The following PIP4K2A variants were observed in gnomAD, a reference collection of about 807,000 sequenced individuals.
PIP4K2A encodes phosphatidylinositol 5-phosphate 4-kinase type-2 alpha.
Under a neutral mutation model 42.9 loss-of-function variants are expected in PIP4K2A, and 14 were observed. The observed-to-expected ratio is 0.33, with a 90% CI of 0.22 to 0.51. The LOEUF (loss-of-function observed/expected upper bound fraction) is 0.51, where lower values mean the gene tolerates loss of function less well. PIP4K2A is among the 20% of genes least tolerant of loss of function. PIP4K2A has a pLI of 0.97. For synonymous variants in PIP4K2A, 192 were observed against 192.2 expected, an observed-to-expected ratio of 1.00 and a Z score of 0.01; for missense variants, 434 against 519.8, an observed-to-expected ratio of 0.83 and a Z score of 1.61.
chr10:22,588,719 A>C (rs958381229), intron 4 of PIP4K2A, among the ~76,000 whole-genome samples: 1 of 152,234 alleles, frequency 6.6e-6, no homozygotes, highest in Non-Finnish European at 1.5e-5. Context: ...GTTAGGATCT[A>C]TGTCTCCTGA....
intron 4 of PIP4K2A, among the ~76,000 whole-genome samples, chr10:22,578,556 C>T (rs1189240777): frequency 6.6e-6 from 1 of 152,170 alleles, no homozygotes; most frequent in Non-Finnish European, 1.5e-5. Flanking sequence ...CCAATGCTTC[C>T]TCCTCTACAT....
At chr10:22,643,020 A>C (rs749285957) in intron 1 of PIP4K2A, among the ~76,000 whole-genome samples, 1 of 152,194 alleles carries the variant, frequency 6.6e-6, no homozygotes, top group Non-Finnish European at 1.5e-5. Context: ...TATTTCATTA[A>C]GCAATTTTCA....
intron 1 of PIP4K2A, among the ~76,000 whole-genome samples, chr10:22,630,626 C>T (rs1216172392): frequency 1.3e-5 from 2 of 152,230 alleles, no homozygotes; most frequent in South Asian, 2.1e-4. Flanking sequence ...ACAGCAGTGA[C>T]CCAACCGTTC....
chr10:22,632,798 C>A (rs1838575842), intron 1 of PIP4K2A, among the ~76,000 whole-genome samples: 1 of 152,158 alleles, frequency 6.6e-6, no homozygotes, highest in Non-Finnish European at 1.5e-5. Context: ...ATAATATATT[C>A]TTGACTCTCT....
At chr10:22,649,978 T>C (rs1016829815) in intron 1 of PIP4K2A, among the ~76,000 whole-genome samples, 1 of 152,212 alleles carries the variant, frequency 6.6e-6, no homozygotes, top group Admixed American at 6.5e-5. Context: ...CCAGAGTTCA[T>C]GGTTCTATCT....
intron 6 of PIP4K2A, chr10:22,567,504 G>A: frequency 2.0e-6 from 1 of 505,336 alleles, no homozygotes; most frequent in Non-Finnish European, 3.8e-6. Context: ...GCAGTGTTAG[G>A]TCCTGGTTCC....
At chr10:22,554,442 A>C (rs1425924586) in intron 6 of PIP4K2A, among the ~76,000 whole-genome samples, 1 of 152,198 alleles carries the variant, frequency 6.6e-6, no homozygotes, top group Non-Finnish European at 1.5e-5. Flanking sequence ...GCTTTTAAAC[A>C]CTGGATTATT....
intron 3 of PIP4K2A, among the ~76,000 whole-genome samples, chr10:22,596,086 T>A (rs576007663): frequency 6.7e-6 from 1 of 149,392 alleles, no homozygotes; most frequent in African/African-American, 2.5e-5. Flanking sequence ...ATGCCTGTAA[T>A]CCCAGCTACT....
At chr10:22,683,135 T>C (rs1202583699) in intron 1 of PIP4K2A, among the ~76,000 whole-genome samples, 4 of 151,636 alleles carry the variant, frequency 2.6e-5, no homozygotes, top group Non-Finnish European at 4.4e-5. Flanking sequence ...GAAGAAACTT[T>C]ATGTTGGATC....
At position 22,550,690 on chromosome 10, in the gene PIP4K2A, A is replaced by G; in HGVS notation, c.761T>C (p.Val254Ala). Residue 254 changes from valine (V) to alanine (A), a missense_variant, in exon 7 of 10, where the codon GTC becomes GCC. Val to Ala is a moderately conservative substitution (Grantham distance 64). This residue lies in a region of PIP4K2A where 395 missense variants were observed against 444.5 expected (regional missense o/e 0.89). Transcript: ENST00000376573. ...ATCCTTTTTTAGTTTTTCCAGGAAG[A>G]CCTTCTTGTTGTTGTCATCAATATA... is the stretch of plus-strand genomic sequence containing the variant. ...KIYIDDNNKK[V>A]FLEKLKKDVE... 1 of 1,595,602 alleles carries G rather than the reference A, an allele frequency of 6.3e-7. No homozygotes were observed. Among genetic ancestry groups the G allele is most frequent in the Non-Finnish European group, 8.6e-7 (1 of 1,162,912 alleles).
intron 8 of PIP4K2A, among the ~76,000 whole-genome samples, chr10:22,541,453 G>T (rs1564411857): frequency 2.0e-5 from 3 of 152,214 alleles, no homozygotes. Context: ...TGTTATTTGT[G>T]AACATGTATG....
intron 5 of PIP4K2A, among the ~76,000 whole-genome samples, chr10:22,571,629 A>G (rs1458565386): frequency 6.6e-6 from 1 of 152,240 alleles, no homozygotes; most frequent in Non-Finnish European, 1.5e-5. Context: ...AAGAGTACAA[A>G]AAGTTCATTG....
chr10:22,591,684 G>C lies in PIP4K2A; in HGVS notation c.437C>G (p.Thr146Ser). 2 of 1,613,456 alleles carry C rather than the reference G, an allele frequency of 1.2e-6. No homozygotes were observed. The highest frequency in any genetic ancestry group is 1.7e-6 in the Non-Finnish European group (2 of 1,179,542). Residue 146 changes from threonine (T) to serine (S), a missense_variant, in exon 4 of 10, where the codon ACT becomes AGT. Physicochemically the swap from Thr to Ser is moderately conservative, Grantham distance 58. This residue lies in a region of PIP4K2A where 395 missense variants were observed against 444.5 expected (regional missense o/e 0.89). Transcript: ENST00000376573. ...TSYDKRYIIK[T>S]ITSEDVAEMH... ...TTCGGCCACGTCTTCACTGGTAATAGTCTTGATGATGTATCTTTTGTCGTA... is the reference window on the plus strand; with the variant it reads ...TTCGGCCACGTCTTCACTGGTAATACTCTTGATGATGTATCTTTTGTCGTA...
At chr10:22,602,283 C>T (rs1276227083) in intron 3 of PIP4K2A, among the ~76,000 whole-genome samples, 5 of 151,394 alleles carry the variant, frequency 3.3e-5, no homozygotes, top group Non-Finnish European at 2.9e-5. Flanking sequence ...GTCCCAGGTA[C>T]TCAGGGGGCT....
At chr10:22,626,540 T>C (rs752568533) in intron 1 of PIP4K2A, among the ~76,000 whole-genome samples, 3 of 152,248 alleles carry the variant, frequency 2.0e-5, no homozygotes, top group Non-Finnish European at 4.4e-5. Context: ...AAAATGTTTC[T>C]GAAAATTGAG....
rs185622763 is a variant in PIP4K2A, at chr10:22,638,682, C to T, written c.145-28965G>A. 6.1e-3 allele frequency among the ~76,000 whole-genome samples: 929 copies of T among 152,252 alleles called. 8 individuals are homozygous for T. The highest frequency in any genetic ancestry group is 0.011 in the Non-Finnish European group (721 of 68,014). The stretch of plus-strand genomic sequence containing the variant: ...TTGAAGGGGGAGGGAAAAAAACCCA[C>T]TTTTCTATTGTTATTGTATGTTTGA... On this transcript the variant is annotated intron_variant, in intron 1 of 9. Coordinates refer to ENST00000376573, the MANE Select transcript of PIP4K2A (RefSeq NM_005028.5).
intron 1 of PIP4K2A, among the ~76,000 whole-genome samples, chr10:22,654,552 A>C (rs1839058542): frequency 6.6e-6 from 1 of 152,184 alleles, no homozygotes; most frequent in African/African-American, 2.4e-5. Flanking sequence ...TAATAAGACC[A>C]AACAGTGCTA....
At chr10:22,659,761 T>G (rs1218433187) in intron 1 of PIP4K2A, 3 of 152,054 alleles carry the variant, frequency 2.0e-5, no homozygotes, top group Non-Finnish European at 4.4e-5. Flanking sequence ...GAGCCAAGAT[T>G]GCACCACTGC....
chr10:22,579,658 C>A (rs1455804337), intron 4 of PIP4K2A, among the ~76,000 whole-genome samples: 1 of 152,156 alleles, frequency 6.6e-6, no homozygotes, highest in African/African-American at 2.4e-5. Flanking sequence ...GTAATCCCAG[C>A]ACTTTGGGAG....
Sources: allele counts gnomAD v4.1 joint callset (sites outside exome capture counted in the v4.1 genomes callset), GRCh38; gene constraint gnomAD v4.1.1; regional missense constraint gnomAD v4.1.1; transcripts MANE v1.5; gene names NCBI Gene and HGNC (gene_info 2026-07-23, HGNC 2026-07-21).